The following MRPL44 variants were observed in gnomAD, a reference collection of about 807,000 sequenced individuals.
MRPL44 encodes large ribosomal subunit protein mL44.
MRPL44 carries 21 observed loss-of-function variants against 25.9 expected under a neutral mutation model. The ratio of observed to expected loss-of-function variants is 0.81; its 90% CI spans 0.58 to 1.17. The LOEUF (loss-of-function observed/expected upper bound fraction) is 1.17, where lower values mean the gene tolerates loss of function less well. MRPL44 is among the 50% of genes most tolerant of loss of function. The pLI is 0.00. For missense variants in MRPL44, 410 were observed against 398.9 expected, an observed-to-expected ratio of 1.03 and a Z score of -0.24; for synonymous variants, 169 against 151.0, an observed-to-expected ratio of 1.12 and a Z score of -0.87.
At chr2:223,966,685 G>A (rs1037656437) in intron 3 of MRPL44, among the ~76,000 whole-genome samples, 178 bp from the exon 4 acceptor site, 1 of 152,192 alleles carries the variant, frequency 6.6e-6, no homozygotes, top group Non-Finnish European at 1.5e-5. Context: ...ATTACCATAT[G>A]TAATGAACTT....
upstream of MRPL44, among the ~76,000 whole-genome samples, chr2:223,954,870 C>T (rs535838791): frequency 6.4e-4 from 97 of 152,226 alleles, no homozygotes; most frequent in African/African-American, 2.2e-3. Context: ...TTGCTGGCCG[C>T]TAACACACCA....
intron 1 of MRPL44, among the ~76,000 whole-genome samples, chr2:223,957,900 G>A (rs1333243903): frequency 6.6e-6 from 1 of 152,200 alleles, no homozygotes; most frequent in African/African-American, 2.4e-5. Flanking sequence ...TGAAAATTGG[G>A]AGAAATGGGG....
chr2:223,962,468 CCT>C (rs1689677566), intron 2 of MRPL44, among the ~76,000 whole-genome samples: 1 of 151,938 alleles, frequency 6.6e-6, no homozygotes, highest in Admixed American at 6.5e-5. Flanking sequence ...ATCCATCCAT[CCT>C]GTTATCATAT....
chr2:223,960,692 A>G (rs1689646042), intron 2 of MRPL44, among the ~76,000 whole-genome samples: 1 of 152,188 alleles, frequency 6.6e-6, no homozygotes, highest in African/African-American at 2.4e-5. Flanking sequence ...AAGTTTGATA[A>G]TTTTGTTAGA....
Position 223,967,655 on chromosome 2 carries a change from T to C in MRPL44, c.*621T>C, listed in dbSNP as rs1689766634. On this transcript the variant is annotated 3_prime_UTR_variant, in exon 4 of 4. Transcript: ENST00000258383. ...TCTAGCTTTGAGGTATCATAATTTATGTATCTTATGTGAATTTTTTGCTGT... is the reference window on the plus strand; with the variant it reads ...TCTAGCTTTGAGGTATCATAATTTACGTATCTTATGTGAATTTTTTGCTGT... The C allele has an allele frequency of 6.6e-6, 1 of 152,248 alleles. No individual in the cohort carries two copies. The highest frequency in any genetic ancestry group is 2.1e-4 in the South Asian group (1 of 4,830). The allele number at this position is 152,248 out of a possible 1,614,324, so 9.4% of individuals were successfully genotyped here.
In MRPL44 at chr2:223,967,193, G is replaced by T; in HGVS notation, c.*159G>T. On this transcript the variant is annotated 3_prime_UTR_variant, in exon 4 of 4. Transcript: ENST00000258383. ...AAATAAGTGTTAACCAAGTCACAGTGTTTTTGGTTTTGTTTTTCTGAAATC... is the reference window on the plus strand; with the variant it reads ...AAATAAGTGTTAACCAAGTCACAGTTTTTTTGGTTTTGTTTTTCTGAAATC... 1.5e-5 allele frequency: 11 copies of T among 720,140 alleles called. No individual in the cohort carries two copies. The highest frequency in any genetic ancestry group is 5.4e-5 in the South Asian group (2 of 37,088). 44.6% of individuals were successfully genotyped at this position (720,140 alleles called of 1,614,324 possible).
chr2:223,955,454 C>T (rs529301959), upstream of MRPL44, among the ~76,000 whole-genome samples: 22 of 152,282 alleles, frequency 1.4e-4, no homozygotes, highest in African/African-American at 5.1e-4. Flanking sequence ...TTCAGAATTG[C>T]TTGATTGTTC....
chr2:223,951,478 G>GTTTTTTTTTTTTTTTTTT, the MRPL44 span, among the ~76,000 whole-genome samples: 16 of 112,482 alleles, frequency 1.4e-4, no homozygotes, highest in African/African-American at 3.7e-4. Flanking sequence ...TTACCTTGGA[G>GTTTTTTTTTTTTTTTTTT]TTTTTTTTTT....
chr2:223,957,323 C>CCCCTGCCCTCTCTCAGTCG, upstream of MRPL44: 1 of 949,642 alleles, frequency 1.1e-6, no homozygotes, highest in Non-Finnish European at 1.6e-6. Context: ...GCTGTCTCCG[C>CCCCTGCCCTCTCTCAGTCG]CCCTGCCCTC....
At chr2:223,955,786 C>A (rs1174964372), upstream of MRPL44, among the ~76,000 whole-genome samples, 1 of 152,160 alleles carries the variant, frequency 6.6e-6, no homozygotes, top group Non-Finnish European at 1.5e-5. Flanking sequence ...AACACATTGG[C>A]CTTTTTCTTC....
At chr2:223,957,320 C>G (rs972730298), upstream of MRPL44, 4 of 915,412 alleles carry the variant, frequency 4.4e-6, no homozygotes, top group African/African-American at 6.6e-5. Context: ...GGGGCTGTCT[C>G]CGCCCCTGCC....
At chr2:223,953,857 A>G (rs996072477), upstream of MRPL44, among the ~76,000 whole-genome samples, 10 of 152,246 alleles carry the variant, frequency 6.6e-5, no homozygotes, top group South Asian at 2.1e-4. Flanking sequence ...GTGAAGTTTC[A>G]ATATTATAGT....
At chr2:223,957,238 T>C (rs554465605), upstream of MRPL44, among the ~76,000 whole-genome samples, 1 of 152,334 alleles carries the variant, frequency 6.6e-6, no homozygotes, top group Non-Finnish European at 1.5e-5. Context: ...TCCGGATCAT[T>C]GGAAAGTAAC....
At chr2:223,961,498 C>T (rs566118004) in intron 2 of MRPL44, among the ~76,000 whole-genome samples, 2 of 152,160 alleles carry the variant, frequency 1.3e-5, no homozygotes, top group Non-Finnish European at 2.9e-5. Flanking sequence ...TTCTCAGGCA[C>T]CCCCTCAGAG....
upstream of MRPL44, among the ~76,000 whole-genome samples, chr2:223,953,350 G>A (rs917283908): frequency 1.3e-5 from 2 of 152,062 alleles, no homozygotes; most frequent in Non-Finnish European, 2.9e-5. Flanking sequence ...GGCCAGGCTG[G>A]TCTTGAACTC....
upstream of MRPL44, among the ~76,000 whole-genome samples, chr2:223,955,494 T>A (rs903231813): frequency 6.6e-6 from 1 of 152,232 alleles, no homozygotes; most frequent in Admixed American, 6.5e-5. Flanking sequence ...GCTTACTAAC[T>A]TTGTTATCCA....
the MRPL44 span, among the ~76,000 whole-genome samples, chr2:223,951,478 G>GTTTTTTTTTTTGTTTTT: frequency 3.3e-4 from 37 of 112,542 alleles, 1 homozygote; most frequent in African/African-American, 1.2e-3. Flanking sequence ...TTACCTTGGA[G>GTTTTTTTTTTTGTTTTT]TTTTTTTTTT....
upstream of MRPL44, among the ~76,000 whole-genome samples, chr2:223,957,114 C>G (rs113814449): frequency 1.6e-3 from 247 of 152,296 alleles, 1 homozygote; most frequent in African/African-American, 5.7e-3. Context: ...GTTTCCTTAA[C>G]CTGAAAGCGA....
Position 223,957,529 on chromosome 2 carries a change from A to C in MRPL44, c.57A>C (p.Pro19=). Residue 19 remains proline, a synonymous_variant, in exon 1 of 4, where the codon CCA becomes CCC. Transcript: ENST00000258383. ...AGGGACATCGCTGCCTCCTGGCTCC[A>C]GTCGCCCCCAAGCTGGTCCCTCCGG... The part of the protein sequence containing the change: ...LQQGHRCLLA[P]VAPKLVPPVR... 6.2e-7 allele frequency: 1 copy of C among 1,614,072 alleles called. No individual in the cohort carries two copies. Among genetic ancestry groups the C allele is most frequent in the South Asian group, 1.1e-5 (1 of 91,088 alleles).
Sources: gnomAD v4.1 joint callset for allele counts (sites outside exome capture counted in the v4.1 genomes callset) on GRCh38, gnomAD v4.1.1 for gene constraint, MANE v1.5 for transcripts, NCBI Gene and HGNC (gene_info 2026-07-23, HGNC 2026-07-21) for gene names.